Variants in LRMDA observed in about 807,000 individuals in gnomAD.
The protein encoded by LRMDA is leucine rich melanocyte differentiation associated, also known as leucine-rich melanocyte differentiation-associated protein.
In LRMDA, 18 loss-of-function variants were observed where a neutral mutation model predicts 29.8. The observed-to-expected ratio is 0.60, with a 90% CI of 0.42 to 0.90. The LOEUF is 0.90. LRMDA is among the 40% of genes least tolerant of loss of function. The pLI is 0.00. For synonymous variants in LRMDA, 125 were observed against 109.4 expected (o/e 1.14, Z -0.89); for missense variants, 273 against 273.9 (o/e 1.00, Z 0.02).
At chr10:76,174,735 C>T (rs541782611) in intron 5 of LRMDA, among the ~76,000 whole-genome samples, 53 of 152,292 alleles carry the variant, frequency 3.5e-4, no homozygotes, top group African/African-American at 1.3e-3. Context: ...CTAGCGGAAA[C>T]AGAATGGGTT....
At chr10:76,396,822 A>G (rs1841789694) in intron 6 of LRMDA, among the ~76,000 whole-genome samples, 1 of 152,160 alleles carries the variant, frequency 6.6e-6, no homozygotes, top group Admixed American at 6.5e-5. Flanking sequence ...CAGTATACAT[A>G]TATATATTTT....
At chr10:75,929,934 G>T (rs1291020605) in intron 2 of LRMDA, among the ~76,000 whole-genome samples, 2 of 152,174 alleles carry the variant, frequency 1.3e-5, no homozygotes, top group Admixed American at 6.5e-5. Context: ...GTCCTATTAT[G>T]CAAAGTCATT....
chr10:76,410,391 A>G (rs1040754466), intron 6 of LRMDA, among the ~76,000 whole-genome samples: 9 of 130,570 alleles, frequency 6.9e-5, no homozygotes, highest in Admixed American at 9.9e-5. Context: ...TCGCTGCAGT[A>G]TCAACCTCTT....
At chr10:75,781,485 G>C (rs1044649603) in intron 2 of LRMDA, among the ~76,000 whole-genome samples, 1 of 152,158 alleles carries the variant, frequency 6.6e-6, no homozygotes, top group African/African-American at 2.4e-5. Flanking sequence ...ATCAAAATGG[G>C]TTAGAGTATA....
chr10:75,837,963 T>C (rs2132297778), intron 2 of LRMDA, among the ~76,000 whole-genome samples: 1 of 152,328 alleles, frequency 6.6e-6, no homozygotes, highest in South Asian at 2.1e-4. Context: ...AAAGGCTTTT[T>C]GTACCCGATC....
chr10:76,122,752 A>C (rs1368795392), intron 5 of LRMDA, among the ~76,000 whole-genome samples: 2 of 151,894 alleles, frequency 1.3e-5, no homozygotes, highest in African/African-American at 4.8e-5. Context: ...ATGAACATGA[A>C]CTCTAAGGAT....
intron 5 of LRMDA, among the ~76,000 whole-genome samples, chr10:76,119,401 G>T (rs897597415): frequency 6.6e-6 from 1 of 151,934 alleles, no homozygotes; most frequent in Non-Finnish European, 1.5e-5. Context: ...CCTGGAAAAT[G>T]ACTAGAAATC....
chr10:76,413,475 TACAAAAC>T (rs941684864), intron 6 of LRMDA, among the ~76,000 whole-genome samples: 4 of 152,030 alleles, frequency 2.6e-5, no homozygotes, highest in Non-Finnish European at 5.9e-5. Context: ...GGTAATCCCT[TACAAAAC>T]CATCAGATCC....
At chr10:75,596,625 T>TTA (rs1840792728) in intron 2 of LRMDA, among the ~76,000 whole-genome samples, 1 of 152,326 alleles carries the variant, frequency 6.6e-6, no homozygotes, top group South Asian at 2.1e-4. Context: ...TGTCTAGTGA[T>TTA]CATCAGCTCA....
chr10:76,138,677 G>T (rs187812598), intron 5 of LRMDA, among the ~76,000 whole-genome samples: 11 of 152,114 alleles, frequency 7.2e-5, no homozygotes, highest in Non-Finnish European at 1.6e-4. Flanking sequence ...TAAGCCACTG[G>T]AGACCAATGA....
At chr10:76,254,261 A>G (rs1194624234) in intron 5 of LRMDA, among the ~76,000 whole-genome samples, 1 of 148,356 alleles carries the variant, frequency 6.7e-6, no homozygotes, top group Non-Finnish European at 1.5e-5. Context: ...ATGTCCTATT[A>G]GGATCAATAT....
At chr10:75,976,122 G>A (rs1847065240) in intron 2 of LRMDA, among the ~76,000 whole-genome samples, 1 of 152,186 alleles carries the variant, frequency 6.6e-6, no homozygotes, top group South Asian at 2.1e-4. Context: ...TCCTTCCATG[G>A]CCTACAAGGC....
chr10:75,508,273 C>G (rs983954795), intron 2 of LRMDA, among the ~76,000 whole-genome samples: 2 of 152,134 alleles, frequency 1.3e-5, no homozygotes, highest in Admixed American at 6.5e-5. Context: ...TTTTCCCCCC[C>G]TCTCCCTTCC....
intron 6 of LRMDA, among the ~76,000 whole-genome samples, chr10:76,372,562 C>G (rs975489971): frequency 4.7e-5 from 7 of 150,406 alleles, no homozygotes; most frequent in Admixed American, 2.7e-4. Flanking sequence ...TGCAGTGAGC[C>G]GAGATCACAT....
chr10:76,088,523 G>C (rs931152198), intron 5 of LRMDA, among the ~76,000 whole-genome samples: 3 of 152,198 alleles, frequency 2.0e-5, no homozygotes, highest in Non-Finnish European at 4.4e-5. Context: ...ATGAGAATTA[G>C]AAACTGACTC....
chr10:76,367,288 C>T (rs1841401930), intron 6 of LRMDA, among the ~76,000 whole-genome samples: 1 of 152,062 alleles, frequency 6.6e-6, no homozygotes, highest in Admixed American at 6.6e-5. Context: ...TGAGAGGGTT[C>T]CTTCTTTCTC....
intron 2 of LRMDA, among the ~76,000 whole-genome samples, chr10:75,723,167 GA>G (rs1219759677): frequency 1.3e-5 from 2 of 152,328 alleles, no homozygotes; most frequent in East Asian, 3.9e-4. Flanking sequence ...ATGAAGGTTA[GA>G]TCTTCAGCCT....
chr10:76,421,677 T>A (rs1842073183), intron 6 of LRMDA, among the ~76,000 whole-genome samples: 1 of 152,208 alleles, frequency 6.6e-6, no homozygotes. Flanking sequence ...AGTTGTCATT[T>A]CTTTTCTAAA....
chr10:75,669,167 A>G (rs1213400048), intron 2 of LRMDA, among the ~76,000 whole-genome samples: 3 of 152,152 alleles, frequency 2.0e-5, no homozygotes, highest in Admixed American at 2.0e-4. Flanking sequence ...TCTGTTTTCC[A>G]TCTATGAATT....
Sources: gnomAD v4.1 joint callset for allele counts (sites outside exome capture counted in the v4.1 genomes callset) on GRCh38, gnomAD v4.1.1 for gene constraint, MANE v1.5 for transcripts, NCBI Gene and HGNC (gene_info 2026-07-23, HGNC 2026-07-21) for gene names.